The following TRIM51 variants were observed in gnomAD, a reference collection of about 807,000 sequenced individuals.
TRIM51 encodes the protein tripartite motif-containing 51.
In TRIM51, 23 loss-of-function variants were observed where a neutral mutation model predicts 32.7. That is an observed-to-expected ratio of 0.70 (90% confidence interval 0.51 to 1.00). The LOEUF (loss-of-function observed/expected upper bound fraction) is 1.00. TRIM51 is among the 50% of genes least tolerant of loss of function. TRIM51 has a pLI of 0.00. For synonymous variants in TRIM51, 177 were observed against 181.9 expected (o/e 0.97, Z 0.22); for missense variants, 592 against 539.2 (o/e 1.10, Z -0.97).
chr11:55,886,532 CAA>C (rs1179166463), intron 3 of TRIM51, among the ~76,000 whole-genome samples: 2 of 152,098 alleles, frequency 1.3e-5, no homozygotes, highest in Non-Finnish European at 2.9e-5. Context: ...ATTCTGGACA[CAA>C]GAGTTATTTG....
At chr11:55,889,415 T>G in intron 5 of TRIM51, among the ~76,000 whole-genome samples, 1 of 152,130 alleles carries the variant, frequency 6.6e-6, no homozygotes. Context: ...TGAAAAGTGT[T>G]GATGATTTCT....
chr11:55,884,064 A>G lies in TRIM51; in HGVS notation c.-5+680A>G, dbSNP rs552752459. ...AGTGTTTAGTAAAAGAGAGTAAGGT[A>G]AAGGACTTCAAACTGCCAAGGCAAA... is the stretch of plus-strand genomic sequence containing the variant. On this transcript the variant is annotated intron_variant, in intron 1 of 6. Transcript: ENST00000449290. 2.6e-3 allele frequency among the ~76,000 whole-genome samples: 399 copies of G among 150,720 alleles called. 4 individuals are homozygous for G. The highest frequency in any genetic ancestry group is 9.4e-3 in the African/African-American group (385 of 41,110).
intron 5 of TRIM51, among the ~76,000 whole-genome samples, chr11:55,889,259 A>T (rs1393877024): frequency 1.3e-5 from 2 of 152,120 alleles, no homozygotes; most frequent in African/African-American, 2.4e-5. Context: ...AACGAAAGAA[A>T]AATAAAGGAA....
At chr11:55,889,049 A>T in intron 5 of TRIM51, 48 bp downstream of exon 5, 3 of 1,526,624 alleles carry the variant, frequency 2.0e-6, no homozygotes, top group Non-Finnish European at 2.7e-6. Flanking sequence ...TTCCACAAAT[A>T]TCAAGCAGGA....
chr11:55,890,173 T>C, intron 6 of TRIM51, 134 bp downstream of exon 6: 1 of 613,148 alleles, frequency 1.6e-6, no homozygotes, highest in Non-Finnish European at 2.9e-6. Context: ...TGCAACCCTT[T>C]TATATCTGTG....
intron 1 of TRIM51, among the ~76,000 whole-genome samples, chr11:55,885,149 G>A (rs1854558976): frequency 1.3e-5 from 2 of 152,060 alleles, no homozygotes; most frequent in Admixed American, 6.5e-5. Context: ...GTTTCATGTC[G>A]ACATCCAGGG....
In TRIM51 at chr11:55,890,039, G is replaced by C. The variant is rs771132764; in HGVS notation, c.859G>C (p.Val287Leu). Residue 287 changes from valine (V) to leucine (L), a missense_variant and splice_region_variant, in exon 6 of 7, where the codon GTT becomes CTT. Physicochemically the swap from Val to Leu is conservative, Grantham distance 32. Coordinates refer to ENST00000449290, the MANE Select transcript of TRIM51 (RefSeq NM_032681.4). ...GCTGGACAGCCTCAGTGGATTCAGAGGTGAGTGTCAGCCCATTGGCAGAAT... is the reference window on the plus strand; with the variant it reads ...GCTGGACAGCCTCAGTGGATTCAGACGTGAGTGTCAGCCCATTGGCAGAAT... ...GLLDSLSGFR[V>L]DFTLQPERAN... 4 of 1,610,200 alleles carry C rather than the reference G, an allele frequency of 2.5e-6. No individual in the cohort carries two copies. In the East Asian group the frequency reaches 8.9e-5, roughly 36 times the overall value.
Position 55,888,173 on chromosome 11 carries a change from G to T in TRIM51, c.649G>T (p.Ala217Ser), listed in dbSNP as rs1234126773. The part of the protein sequence containing the change: ...DIFQQLNESK[A>S]RMEHSRELLR... ...TTTTCAGCAACTCAATGAAAGCAAA[G>T]CCAGAATGGAACATTCCAGGGAGCT... Residue 217 changes from alanine (A) to serine (S), a missense_variant, in exon 4 of 7, where the codon GCC becomes TCC. Transcript: ENST00000449290. The T allele has an allele frequency of 2.5e-6, 4 of 1,613,562 alleles. No homozygotes were observed. The East Asian group carries it at 6.7e-5, about 27-fold the overall frequency.
intron 5 of TRIM51, 104 bp downstream of exon 5, chr11:55,889,105 T>C (rs1854615184): frequency 1.9e-6 from 2 of 1,039,878 alleles, no homozygotes; most frequent in African/African-American, 3.2e-5. Context: ...GATACTGCCT[T>C]GTGCTGGTTG....
chr11:55,883,846 C>T (rs1199691415), intron 1 of TRIM51, among the ~76,000 whole-genome samples: 4 of 151,652 alleles, frequency 2.6e-5, no homozygotes, highest in African/African-American at 7.3e-5. Context: ...TCCAAAATAC[C>T]CTAGCTTAGA....
At chr11:55,886,089 C>T in intron 2 of TRIM51, 34 bp from the exon 3 acceptor site, 1 of 1,587,466 alleles carries the variant, frequency 6.3e-7, no homozygotes, top group Non-Finnish European at 8.6e-7. Context: ...CTTTATTGTC[C>T]TCACTTGTGC....
intron 1 of TRIM51, among the ~76,000 whole-genome samples, chr11:55,884,173 A>ATATATATATATATATATATATATATG: frequency 8.0e-6 from 1 of 125,298 alleles, no homozygotes; most frequent in African/African-American, 3.0e-5. Flanking sequence ...ATATATATAT[A>ATATATATATATATATATATATATATG]TATATATATA....
intron 5 of TRIM51, among the ~76,000 whole-genome samples, chr11:55,889,283 T>G (rs1329149175): frequency 1.3e-5 from 2 of 152,082 alleles, no homozygotes; most frequent in Non-Finnish European, 1.5e-5. Context: ...AGCATCTGTA[T>G]TCCTAATTTC....
chr11:55,884,475 A>T (rs1020566838), intron 1 of TRIM51, among the ~76,000 whole-genome samples: 1 of 145,054 alleles, frequency 6.9e-6, no homozygotes, highest in African/African-American at 2.5e-5. Context: ...TGTCCTGGAG[A>T]TACCAATATC....
chr11:55,886,188 C>T lies in TRIM51; in HGVS notation c.477C>T (p.Asn159=). The change falls in exon 3 of 7, where the codon AAC becomes AAT. Residue 159 remains asparagine (N), a synonymous_variant. Transcript: ENST00000449290. ...CTTGTGAAAATCTCAGAAATCTGAA[C>T]ATGGAAACCACAAGAACCAGATGCT... ...EKACENLRNL[N]METTRTRCWK... 1 of 1,613,500 alleles carries T rather than the reference C, an allele frequency of 6.2e-7. No individual in the cohort carries two copies. Among genetic ancestry groups the T allele is most frequent in the Non-Finnish European group, 8.5e-7 (1 of 1,179,594 alleles).
intron 3 of TRIM51, 42 bp downstream of exon 3, chr11:55,886,260 G>A: frequency 7.0e-7 from 1 of 1,436,928 alleles, no homozygotes; most frequent in Non-Finnish European, 9.8e-7. Flanking sequence ...AACTTATAGT[G>A]AACAAATGGG....
chr11:55,885,097 A>G (rs1283017359), intron 1 of TRIM51, among the ~76,000 whole-genome samples: 1 of 152,144 alleles, frequency 6.6e-6, no homozygotes, highest in Non-Finnish European at 1.5e-5. Context: ...AGAAATAGGG[A>G]CAAGCATGTT....
chr11:55,885,091 A>G (rs1854558183), intron 1 of TRIM51, among the ~76,000 whole-genome samples: 1 of 152,128 alleles, frequency 6.6e-6, no homozygotes, highest in Non-Finnish European at 1.5e-5. Context: ...TGAAAGAGAA[A>G]TAGGGACAAG....
rs757558302 is a variant in TRIM51, at chr11:55,885,794, G to A, written c.366G>A (p.Arg122=). The change falls in exon 2 of 7, where the codon CGG becomes CGA. Residue 122 remains arginine (R), a synonymous_variant. Transcript: ENST00000449290. ...CGTGCTCCAACTCTCAGGAGCACCGGAATCACATACACTGTCCCATTGAGT... is the reference window on the plus strand; with the variant it reads ...CGTGCTCCAACTCTCAGGAGCACCGAAATCACATACACTGTCCCATTGAGT... The part of the protein sequence containing the change: ...CLPCSNSQEH[R]NHIHCPIEWA... 1.9e-5 allele frequency: 31 copies of A among 1,611,646 alleles called. No individual in the cohort carries two copies. The highest frequency in any genetic ancestry group is 1.8e-4 in the East Asian group (8 of 44,878).
Sources: gnomAD v4.1 joint callset for allele counts (sites outside exome capture counted in the v4.1 genomes callset) on GRCh38, gnomAD v4.1.1 for gene constraint, MANE v1.5 for transcripts, NCBI Gene and HGNC (gene_info 2026-07-23, HGNC 2026-07-21) for gene names.